The following MYO5B variants were observed in gnomAD, a reference collection of about 807,000 sequenced individuals.
The protein encoded by MYO5B is unconventional myosin-Vb.
In MYO5B, 143 loss-of-function variants were observed where a neutral mutation model predicts 229.3. The ratio of observed to expected loss-of-function variants is 0.62; its 90% CI spans 0.54 to 0.72. The LOEUF (loss-of-function observed/expected upper bound fraction) is 0.72, where lower values mean the gene tolerates loss of function less well. Among genes scored for constraint, MYO5B ranks in the 30% least tolerant of loss-of-function variants. The pLI is 0.00. For synonymous variants in MYO5B, 918 were observed against 885.2 expected (o/e 1.04, Z -0.66); for missense variants, 2,321 against 2,331.0 (o/e 1.00, Z 0.09).
In MYO5B at chr18:49,841,217, GCCACGAGGCATGATAAGGTGTGC is replaced by G. The variant is rs1328210414; in HGVS notation, c.4701+125_4701+147del. 6.4e-6 allele frequency: 5 copies of G among 782,016 alleles called. No individual in the cohort carries two copies. The East Asian group carries it at 1.2e-4, about 19-fold the overall frequency. The allele number at this position is 782,016 out of a possible 1,614,324, so 48.4% of individuals were successfully genotyped here. On this transcript the variant is annotated intron_variant, in intron 35 of 39. Transcript: ENST00000285039. ...GTGGCTGGCCTTATTGCTGCTTCCA[GCCACGAGGCATGATAAGGTGTGC>G]CCACGGTCTGAGGTCCCCAAGGGTG...
intron 4 of MYO5B, among the ~76,000 whole-genome samples, chr18:50,032,307 C>T (rs535828676): frequency 6.6e-6 from 1 of 152,114 alleles, no homozygotes; most frequent in Non-Finnish European, 1.5e-5. Context: ...ATTTTTAGAA[C>T]ACTTCATCAC....
chr18:49,954,006 ATGTG>A (rs1279356058), intron 13 of MYO5B, among the ~76,000 whole-genome samples: 1 of 137,026 alleles, frequency 7.3e-6, no homozygotes, highest in South Asian at 2.5e-4. Context: ...ACAGACATAT[ATGTG>A]TGTATGTATT....
intron 27 of MYO5B, among the ~76,000 whole-genome samples, chr18:49,868,627 G>C (rs2024424025): frequency 6.6e-6 from 1 of 152,224 alleles, no homozygotes; most frequent in African/African-American, 2.4e-5. Flanking sequence ...TACCAGGCCT[G>C]TCTCAGGCAC....
At chr18:50,020,470 C>T (rs1464181398) in intron 4 of MYO5B, among the ~76,000 whole-genome samples, 7 of 152,214 alleles carry the variant, frequency 4.6e-5, no homozygotes, top group African/African-American at 1.7e-4. Context: ...CTGGATCCTA[C>T]CTGAATGTCG....
At chr18:50,178,721 A>T (rs2033030948) in intron 1 of MYO5B, among the ~76,000 whole-genome samples, 2 of 152,198 alleles carry the variant, frequency 1.3e-5, no homozygotes, top group South Asian at 4.1e-4. Context: ...GCATTTAGGC[A>T]GTTTCTGATT....
intron 35 of MYO5B, chr18:49,840,019 G>A (rs972270983): frequency 6.5e-6 from 1 of 153,292 alleles, no homozygotes; most frequent in Non-Finnish European, 1.5e-5. Context: ...AAAGCAGGCA[G>A]AAAAGGGGAT....
chr18:50,052,557 G>C (rs560631199), intron 2 of MYO5B, among the ~76,000 whole-genome samples: 2 of 103,220 alleles, frequency 1.9e-5, no homozygotes, highest in East Asian at 7.0e-4. Context: ...GACTGTTGTG[G>C]GGTGGGGGGA....
At chr18:50,070,627 G>C (rs1277783672) in intron 1 of MYO5B, among the ~76,000 whole-genome samples, 8 of 151,980 alleles carry the variant, frequency 5.3e-5, no homozygotes, top group Admixed American at 2.6e-4. Flanking sequence ...GAGAAATTCT[G>C]TTCTAGAATC....
At chr18:50,040,084 A>G in intron 3 of MYO5B, 59 bp downstream of exon 3, 1 of 1,558,714 alleles carries the variant, frequency 6.4e-7, no homozygotes, top group South Asian at 1.1e-5. Flanking sequence ...TGAGTTGAGC[A>G]AGTCTAAAGC....
chr18:49,858,731 T>G lies in MYO5B; in HGVS notation c.3945-1841A>C, dbSNP rs116010385. 3.8e-3 allele frequency among the ~76,000 whole-genome samples: 586 copies of G among 152,302 alleles called. 4 individuals are homozygous for G. Among genetic ancestry groups the G allele is most frequent in the African/African-American group, 0.014 (569 of 41,562 alleles). ...AATTCTGTAACAAGCCAGGCACTAT[T>G]GACAAAGATAAAAGTAGAGAACTGT... On this transcript the variant is annotated intron_variant, in intron 29 of 39. Coordinates refer to ENST00000285039, the MANE Select transcript of MYO5B (RefSeq NM_001080467.3).
In MYO5B at chr18:49,856,856, C is replaced by T; in HGVS notation, c.3979G>A (p.Gly1327Arg). The change falls in exon 30 of 40, where the codon GGA (glycine) becomes AGA (arginine). Residue 1327 changes from glycine (G) to arginine (R), a missense_variant. Transcript: ENST00000285039. ...TEDWGYLNED[G>R]ELGLAYQGLK... ...CCTTGGTAGGCCAAGCCGAGTTCTC[C>T]ATCTTCATTTAAATATCCCCAATCC... is the stretch of plus-strand genomic sequence containing the variant. 6.2e-7 allele frequency: 1 copy of T among 1,614,206 alleles called. No individual in the cohort carries two copies. The highest frequency in any genetic ancestry group is 8.5e-7 in the Non-Finnish European group (1 of 1,180,006).
chr18:49,864,437 G>A, intron 27 of MYO5B, 57 bp from the exon 28 acceptor site: 2 of 1,596,934 alleles, frequency 1.3e-6, no homozygotes, highest in Non-Finnish European at 1.7e-6. Context: ...CTCTCTCCCT[G>A]TGTGGGCCTC....
At chr18:50,147,565 C>A (rs2032524605) in intron 1 of MYO5B, among the ~76,000 whole-genome samples, 1 of 152,234 alleles carries the variant, frequency 6.6e-6, no homozygotes, top group Admixed American at 6.5e-5. Context: ...GAGGATACAG[C>A]TGTCAGCAAA....
chr18:49,847,068 G>A, intron 33 of MYO5B, 78 bp downstream of exon 33: 2 of 1,580,012 alleles, frequency 1.3e-6, no homozygotes, highest in Non-Finnish European at 1.7e-6. Context: ...AGGGGTGTGG[G>A]GGTTGTGCTG....
intron 14 of MYO5B, among the ~76,000 whole-genome samples, chr18:49,938,430 A>G (rs1307145185): frequency 1.3e-5 from 2 of 151,268 alleles, no homozygotes; most frequent in Non-Finnish European, 3.0e-5. Context: ...CTTTTACCAC[A>G]CTCCTGCAGG....
chr18:49,985,484 C>A (rs1273224457), intron 7 of MYO5B, among the ~76,000 whole-genome samples: 1 of 152,206 alleles, frequency 6.6e-6, no homozygotes, highest in East Asian at 1.9e-4. Flanking sequence ...ACAAATGCAA[C>A]AAGCCCTGGG....
intron 1 of MYO5B, among the ~76,000 whole-genome samples, chr18:50,162,022 C>T (rs1179386992): frequency 1.3e-5 from 2 of 152,242 alleles, no homozygotes; most frequent in East Asian, 1.9e-4. Context: ...TAGGTACCTG[C>T]GTGCAACGCA....
rs1283937972 is a variant in MYO5B at position 49,912,070 on chromosome 18, G to C, written c.2194C>G (p.Leu732Val). ...KAICRSVLEN[L>V]IKDPDKFQFG... ...TGGGCTGTGTGGCTCACCTTGATGA[G>C]GTTCTCCAGGACAGACCTGCAGATG... is the stretch of plus-strand genomic sequence containing the variant. The change falls in exon 18 of 40, where the codon CTC becomes GTC. Residue 732 changes from leucine (L) to valine (V), a missense_variant. This residue lies in a region of MYO5B where 2,113 missense variants were observed against 2,044.7 expected (regional missense o/e 1.03). Coordinates refer to ENST00000285039, the MANE Select transcript of MYO5B (RefSeq NM_001080467.3). The C allele has an allele frequency of 6.2e-7, 1 of 1,613,694 alleles. No homozygotes were observed. Among genetic ancestry groups the C allele is most frequent in the Non-Finnish European group, 8.5e-7 (1 of 1,179,718 alleles).
intron 17 of MYO5B, among the ~76,000 whole-genome samples, chr18:49,912,715 C>T (rs1485716461): frequency 6.6e-6 from 1 of 152,174 alleles, no homozygotes; most frequent in Non-Finnish European, 1.5e-5. Flanking sequence ...GTGAGTCCTC[C>T]CCAGCCATGT....
Sources: gnomAD v4.1 joint callset for allele counts (sites outside exome capture counted in the v4.1 genomes callset) on GRCh38, gnomAD v4.1.1 for gene constraint, gnomAD v4.1.1 regional missense constraint, MANE v1.5 for transcripts, NCBI Gene and HGNC (gene_info 2026-07-23, HGNC 2026-07-21) for gene names.